PCDH9: variants seen among roughly 807,000 people sequenced by gnomAD.
The protein encoded by PCDH9 is protocadherin 9.
Under a neutral mutation model 70.6 loss-of-function variants are expected in PCDH9, and 24 were observed. The observed-to-expected ratio is 0.34, with a 90% CI of 0.25 to 0.48. The LOEUF (loss-of-function observed/expected upper bound fraction) is 0.48, where lower values mean the gene tolerates loss of function less well. Ranked by LOEUF, PCDH9 falls within the 20% of genes least tolerant of loss-of-function variation. The probability of loss-of-function intolerance (pLI) is 0.99; values close to 1 mark genes in which losing one functional copy is unlikely to be tolerated. For synonymous variants in PCDH9, 562 were observed against 558.5 expected (o/e 1.01, Z -0.09); for missense variants, 1,281 against 1,503.6 (o/e 0.85, Z 2.45).
At chr13:66,984,656 T>C (rs1162199349) in intron 2 of PCDH9, among the ~76,000 whole-genome samples, 3 of 152,122 alleles carry the variant, frequency 2.0e-5, no homozygotes, top group Non-Finnish European at 4.4e-5. Context: ...AGAAAGTAAA[T>C]AACAGAAAGA....
intron 4 of PCDH9, among the ~76,000 whole-genome samples, chr13:66,485,092 A>G (rs1958915917): frequency 1.3e-5 from 2 of 152,240 alleles, no homozygotes; most frequent in African/African-American, 4.8e-5. Flanking sequence ...ATAGAAAGGC[A>G]GATGATAAAT....
intron 3 of PCDH9, among the ~76,000 whole-genome samples, chr13:66,749,185 A>G (rs2079419240): frequency 6.6e-6 from 1 of 152,192 alleles, no homozygotes; most frequent in East Asian, 1.9e-4. Flanking sequence ...ACAGACTAAT[A>G]CATTCTCAAA....
At chr13:66,757,387 G>A (rs549262159) in intron 3 of PCDH9, among the ~76,000 whole-genome samples, 7 of 152,086 alleles carry the variant, frequency 4.6e-5, no homozygotes, top group Non-Finnish European at 8.8e-5. Context: ...TTATTTTTAG[G>A]TATCTTGCTA....
intron 4 of PCDH9, among the ~76,000 whole-genome samples, chr13:66,385,949 C>T (rs1956920973): frequency 6.7e-6 from 1 of 149,232 alleles, no homozygotes; most frequent in Admixed American, 6.7e-5. Flanking sequence ...AGCAAAAGAA[C>T]ACAGTTACAA....
intron 3 of PCDH9, among the ~76,000 whole-genome samples, chr13:66,668,866 A>G (rs916003153): frequency 2.0e-5 from 3 of 152,192 alleles, no homozygotes; most frequent in African/African-American, 7.2e-5. Flanking sequence ...AGAGTCTTTA[A>G]CAAGTTTTAC....
chr13:66,397,099 T>A (rs1211478258), intron 4 of PCDH9, among the ~76,000 whole-genome samples: 1 of 152,102 alleles, frequency 6.6e-6, no homozygotes, highest in Non-Finnish European at 1.5e-5. Flanking sequence ...GCCCTGTGTC[T>A]AAAAACGGTA....
At chr13:66,715,377 A>G (rs934528447) in intron 3 of PCDH9, among the ~76,000 whole-genome samples, 1 of 152,140 alleles carries the variant, frequency 6.6e-6, no homozygotes, top group Non-Finnish European at 1.5e-5. Flanking sequence ...CGGTAATGCT[A>G]ATTATGAGGA....
intron 2 of PCDH9, among the ~76,000 whole-genome samples, chr13:67,065,298 T>C (rs149413238): frequency 5.9e-5 from 9 of 152,304 alleles, no homozygotes; most frequent in African/African-American, 1.9e-4. Flanking sequence ...TTTGGTCATT[T>C]GCCAAAGAAA....
At chr13:66,900,677 G>A (rs184246253) in intron 3 of PCDH9, among the ~76,000 whole-genome samples, 70 of 151,398 alleles carry the variant, frequency 4.6e-4, no homozygotes, top group African/African-American at 1.5e-3. Flanking sequence ...CATCAGTCTC[G>A]GTTTTATTAT....
At chr13:66,477,060 C>G (rs1383810615) in intron 4 of PCDH9, among the ~76,000 whole-genome samples, 2 of 151,980 alleles carry the variant, frequency 1.3e-5, no homozygotes, top group Non-Finnish European at 2.9e-5. Context: ...AGCTATTTTA[C>G]TTATTTTAGT....
At chr13:66,442,948 C>T (rs1958003383) in intron 4 of PCDH9, among the ~76,000 whole-genome samples, 1 of 152,172 alleles carries the variant, frequency 6.6e-6, no homozygotes, top group Admixed American at 6.5e-5. Context: ...CATATCTCTA[C>T]ATATTTCCCT....
At chr13:66,994,544 A>C (rs1460237322) in intron 2 of PCDH9, among the ~76,000 whole-genome samples, 2 of 152,214 alleles carry the variant, frequency 1.3e-5, no homozygotes, top group Non-Finnish European at 2.9e-5. Flanking sequence ...TTAAGATGTG[A>C]TAACTGATAA....
chr13:66,979,217 G>A (rs113023745), intron 2 of PCDH9, among the ~76,000 whole-genome samples: 3,735 of 152,180 alleles, frequency 0.025, 60 homozygotes, highest in Non-Finnish European at 0.037. Context: ...AACCTGGAAT[G>A]CATGCAAAGA....
intron 4 of PCDH9, among the ~76,000 whole-genome samples, chr13:66,524,157 C>A (rs1386271773): frequency 6.6e-6 from 1 of 151,872 alleles, no homozygotes; most frequent in African/African-American, 2.4e-5. Context: ...AAACAATTTG[C>A]AAGAATTATT....
chr13:66,573,634 T>C (rs2076767730), intron 4 of PCDH9, among the ~76,000 whole-genome samples: 1 of 152,180 alleles, frequency 6.6e-6, no homozygotes, highest in Admixed American at 6.5e-5. Flanking sequence ...GACAGTCCAT[T>C]TGCAATGTTT....
intron 2 of PCDH9, among the ~76,000 whole-genome samples, chr13:67,017,068 A>G (rs1159655589): frequency 6.6e-6 from 1 of 152,186 alleles, no homozygotes; most frequent in African/African-American, 2.4e-5. Flanking sequence ...TGAAATAGCC[A>G]TAGTGTGTGG....
chr13:66,488,193 G>A (rs543326924), intron 4 of PCDH9, among the ~76,000 whole-genome samples: 134 of 152,268 alleles, frequency 8.8e-4, no homozygotes, highest in Middle Eastern at 3.4e-3. Context: ...AAGAGCCGAC[G>A]CTGAAATCAA....
chr13:67,206,959 T>A (rs1388083532), intron 2 of PCDH9: 1 of 152,184 alleles, frequency 6.6e-6, no homozygotes, highest in Non-Finnish European at 1.5e-5. Context: ...AATTAACAAC[T>A]AAAATTCACG....
At chr13:66,617,168 C>A (rs1056444520) in intron 4 of PCDH9, among the ~76,000 whole-genome samples, 2 of 152,278 alleles carry the variant, frequency 1.3e-5, no homozygotes, top group Middle Eastern at 6.8e-3. Context: ...TTTCTCTAGG[C>A]GCCCCCTGAT....
Sources: gnomAD v4.1 joint callset for allele counts (sites outside exome capture counted in the v4.1 genomes callset) on GRCh38, gnomAD v4.1.1 for gene constraint, MANE v1.5 for transcripts, NCBI Gene and HGNC (gene_info 2026-07-23, HGNC 2026-07-21) for gene names.